PDSS2: variants seen among roughly 807,000 people sequenced by gnomAD.
PDSS2 encodes the protein all trans-polyprenyl-diphosphate synthase PDSS2.
Under a neutral mutation model 44.5 loss-of-function variants are expected in PDSS2, and 31 were observed. The observed-to-expected ratio is 0.70, with a 90% CI of 0.52 to 0.94. The LOEUF is 0.94. PDSS2 is among the 40% of genes least tolerant of loss of function. The pLI, the probability that PDSS2 is intolerant of heterozygous loss-of-function variation, is 0.00. For synonymous variants in PDSS2, 157 were observed against 180.3 expected (o/e 0.87, Z 1.03); for missense variants, 452 against 482.2 (o/e 0.94, Z 0.59).
chr6:107,361,297 A>G (rs1163071603), intron 1 of PDSS2, among the ~76,000 whole-genome samples: 1 of 152,240 alleles, frequency 6.6e-6, no homozygotes, highest in Non-Finnish European at 1.5e-5. Context: ...CTAAATTTAT[A>G]AAATCAGCAC....
intron 2 of PDSS2, among the ~76,000 whole-genome samples, chr6:107,316,482 A>G (rs1777202822): frequency 6.6e-6 from 1 of 152,276 alleles, no homozygotes; most frequent in East Asian, 1.9e-4. Context: ...ATTATATTCT[A>G]GTACAGCTAT....
intron 1 of PDSS2, among the ~76,000 whole-genome samples, chr6:107,355,904 A>G (rs899546563): frequency 6.6e-6 from 1 of 152,246 alleles, no homozygotes; most frequent in Non-Finnish European, 1.5e-5. Flanking sequence ...GGTTTAAAGA[A>G]AACACCAGAG....
At chr6:107,387,118 G>A (rs952431037) in intron 1 of PDSS2, among the ~76,000 whole-genome samples, 6 of 152,228 alleles carry the variant, frequency 3.9e-5, no homozygotes, top group Middle Eastern at 3.4e-3. Context: ...CCACCATTGC[G>A]GTCCACACAT....
chr6:107,435,514 T>A (rs937640593), intron 1 of PDSS2, among the ~76,000 whole-genome samples: 8 of 152,208 alleles, frequency 5.3e-5, no homozygotes, highest in Non-Finnish European at 1.0e-4. Context: ...GTAGTAGTCC[T>A]GTGAAACTAA....
At chr6:107,218,023 G>C (rs1291018029) in intron 4 of PDSS2, among the ~76,000 whole-genome samples, 1 of 152,142 alleles carries the variant, frequency 6.6e-6, no homozygotes, top group Admixed American at 6.5e-5. Flanking sequence ...CAACTCCCCA[G>C]AACCTTACTA....
At chr6:107,346,471 ATTTAT>A (rs775281703) in intron 1 of PDSS2, among the ~76,000 whole-genome samples, 1 of 152,168 alleles carries the variant, frequency 6.6e-6, no homozygotes. Flanking sequence ...ATAGCACATC[ATTTAT>A]TTTGATTATT....
intron 7 of PDSS2, among the ~76,000 whole-genome samples, chr6:107,162,610 A>ATTTTTTTTTT (rs71012782): frequency 0.19 from 21,609 of 113,326 alleles, 3,085 homozygotes; most frequent in Non-Finnish European, 0.23. Context: ...GAATTCCCTA[A>ATTTTTTTTTT]TTTTTTTTTT....
chr6:107,446,321 A>G (rs187189348), intron 1 of PDSS2, among the ~76,000 whole-genome samples: 16 of 152,284 alleles, frequency 1.1e-4, no homozygotes, highest in Admixed American at 9.8e-4. Context: ...TCTAAAAAAA[A>G]AAGAAAAAAA....
chr6:107,312,928 G>A (rs545494135), intron 2 of PDSS2, among the ~76,000 whole-genome samples: 25 of 152,316 alleles, frequency 1.6e-4, no homozygotes, highest in African/African-American at 5.5e-4. Flanking sequence ...GGTCCTCAGA[G>A]AGTTTACAAA....
chr6:107,216,817 T>C (rs975117078), intron 4 of PDSS2, among the ~76,000 whole-genome samples: 1 of 152,146 alleles, frequency 6.6e-6, no homozygotes, highest in African/African-American at 2.4e-5. Context: ...GCAAATTTTG[T>C]CTAAGCCTTA....
chr6:107,377,244 T>C (rs1436355188), intron 1 of PDSS2, among the ~76,000 whole-genome samples: 1 of 151,872 alleles, frequency 6.6e-6, no homozygotes, highest in Non-Finnish European at 1.5e-5. Context: ...GAACAGACAC[T>C]TCTCAAAAGA....
chr6:107,243,456 G>GT (rs1253319725), intron 4 of PDSS2, among the ~76,000 whole-genome samples: 5 of 152,184 alleles, frequency 3.3e-5, no homozygotes, highest in Non-Finnish European at 5.9e-5. Flanking sequence ...TGGACAAATG[G>GT]TAAGAGTAGA....
Position 107,377,838 on chromosome 6 carries a change from A to G in PDSS2, c.297-43506T>C, listed in dbSNP as rs1190201280. Among the ~76,000 whole-genome samples the G allele has an allele frequency of 3.3e-5, 5 of 151,936 alleles. No homozygotes were observed. In the East Asian group the frequency reaches 9.6e-4, roughly 29 times the overall value. On this transcript the variant is annotated intron_variant, in intron 1 of 7. Transcript: ENST00000369037. ...ACTCATAGATGGGAACTGAACAATG[A>G]GAACACATGGACACAGGAAGGGGAA... is the stretch of plus-strand genomic sequence containing the variant.
In PDSS2 at chr6:107,241,276, T is replaced by C. The variant is rs1040778544; in HGVS notation, c.702+4272A>G. On this transcript the variant is annotated intron_variant, in intron 4 of 7. Coordinates refer to ENST00000369037, the MANE Select transcript of PDSS2 (RefSeq NM_020381.4). ...AAAAAAAAAAAAAAAGTATTAGTAA[T>C]ATAAGTCATGTACATTTTCACAGCT... Among the ~76,000 whole-genome samples, 5 of 142,982 alleles carry C rather than the reference T, an allele frequency of 3.5e-5. No individual in the cohort carries two copies. In the Admixed American group the frequency reaches 3.5e-4, roughly 10 times the overall value. 93.8% of individuals were successfully genotyped at this position (142,982 alleles called of 152,430 possible). A position where few individuals can be genotyped will look rare whatever the true frequency, so the allele number is the denominator to read the frequency against.
chr6:107,418,589 T>G (rs1442375350), intron 1 of PDSS2, among the ~76,000 whole-genome samples: 1 of 151,942 alleles, frequency 6.6e-6, no homozygotes, highest in African/African-American at 2.4e-5. Flanking sequence ...CTGGGAAACA[T>G]GATGATACCC....
rs966079202 is a variant in PDSS2 at position 107,282,944 on chromosome 6, G to A, written c.432-8717C>T. ...TCCCTATGTTGCCCAGGCTGGTCTC[G>A]AACTTCTAAGCTGAAGCAATCCTTC... On this transcript the variant is annotated intron_variant, in intron 2 of 7. Transcript: ENST00000369037. Among the ~76,000 whole-genome samples the A allele has an allele frequency of 7.4e-5, 11 of 148,448 alleles. No individual in the cohort carries two copies. In the East Asian group the frequency reaches 2.3e-3, roughly 31 times the overall value.
At chr6:107,292,132 T>C (rs545514535) in intron 2 of PDSS2, among the ~76,000 whole-genome samples, 118 of 151,858 alleles carry the variant, frequency 7.8e-4, no homozygotes, top group Non-Finnish European at 1.5e-3. Flanking sequence ...TACTTCAGTC[T>C]ATGTTAGAAT....
At chr6:107,179,388 C>T (rs1482227930) in intron 7 of PDSS2, among the ~76,000 whole-genome samples, 1 of 151,954 alleles carries the variant, frequency 6.6e-6, no homozygotes, top group African/African-American at 2.4e-5. Context: ...TCAAGCGATT[C>T]TCCTGCCTCT....
chr6:107,300,284 G>T (rs1776651037), intron 2 of PDSS2, among the ~76,000 whole-genome samples: 1 of 152,138 alleles, frequency 6.6e-6, no homozygotes. Flanking sequence ...TGATGTTGAT[G>T]ACATTGAAGG....
Sources: allele counts gnomAD v4.1 joint callset (sites outside exome capture counted in the v4.1 genomes callset), GRCh38; gene constraint gnomAD v4.1.1; transcripts MANE v1.5; gene names NCBI Gene and HGNC (gene_info 2026-07-23, HGNC 2026-07-21).